ST6GALNAC3: variants seen among roughly 807,000 people sequenced by gnomAD.
ST6GALNAC3 encodes the protein alpha-N-acetylgalactosaminide alpha-2,6-sialyltransferase 3.
Under a neutral mutation model 32.7 loss-of-function variants are expected in ST6GALNAC3, and 25 were observed. The observed-to-expected ratio is 0.76, with a 90% confidence interval of 0.56 to 1.07. The LOEUF (loss-of-function observed/expected upper bound fraction) is 1.07. ST6GALNAC3 is among the 50% of genes least tolerant of loss of function. The probability of loss-of-function intolerance (pLI) is 0.00; values close to 1 mark genes in which losing one functional copy is unlikely to be tolerated. For missense variants in ST6GALNAC3, 355 were observed against 382.4 expected, an observed-to-expected ratio of 0.93 and a Z score of 0.60; for synonymous variants, 129 against 133.1, an observed-to-expected ratio of 0.97 and a Z score of 0.21.
intron 2 of ST6GALNAC3, among the ~76,000 whole-genome samples, chr1:76,329,745 A>G (rs1647151192): frequency 6.6e-6 from 1 of 152,094 alleles, no homozygotes; most frequent in Non-Finnish European, 1.5e-5. Context: ...TCATGTAACA[A>G]ATAATCTTGT....
chr1:76,447,159 A>G (rs1033758188), intron 3 of ST6GALNAC3, among the ~76,000 whole-genome samples: 4 of 152,172 alleles, frequency 2.6e-5, no homozygotes, highest in Admixed American at 2.0e-4. Flanking sequence ...AGTGGTCTCA[A>G]ATGGAGATGA....
At chr1:76,444,905 T>A (rs1364457020) in intron 3 of ST6GALNAC3, among the ~76,000 whole-genome samples, 31 of 152,148 alleles carry the variant, frequency 2.0e-4, no homozygotes, top group Non-Finnish European at 1.5e-5. Context: ...CAATCTACAT[T>A]TCATATGCAA....
At chr1:76,166,246 A>G (rs1557666840) in intron 1 of ST6GALNAC3, among the ~76,000 whole-genome samples, 1 of 152,172 alleles carries the variant, frequency 6.6e-6, no homozygotes, top group Non-Finnish European at 1.5e-5. Flanking sequence ...TCCCAGAACA[A>G]CTTACTGAAT....
chr1:76,182,511 G>A (rs1314881400), intron 1 of ST6GALNAC3, among the ~76,000 whole-genome samples: 4 of 152,104 alleles, frequency 2.6e-5, no homozygotes, highest in Non-Finnish European at 5.9e-5. Flanking sequence ...TCTGCTTTCA[G>A]TTTACACTAT....
intron 3 of ST6GALNAC3, among the ~76,000 whole-genome samples, chr1:76,488,319 G>A (rs543406843): frequency 3.2e-4 from 43 of 133,844 alleles, no homozygotes; most frequent in Admixed American, 1.2e-3. Flanking sequence ...GTGATGTGCC[G>A]GCTACCCCTT....
At chr1:76,424,297 C>A (rs1476472962) in intron 3 of ST6GALNAC3, among the ~76,000 whole-genome samples, 2 of 151,838 alleles carry the variant, frequency 1.3e-5, no homozygotes, top group Admixed American at 6.6e-5. Context: ...AAGACCCTTC[C>A]AAAAGTGAAC....
At chr1:76,415,008 T>C (rs1654517611) in intron 3 of ST6GALNAC3, among the ~76,000 whole-genome samples, 1 of 151,890 alleles carries the variant, frequency 6.6e-6, no homozygotes, top group Non-Finnish European at 1.5e-5. Flanking sequence ...AACTTCCCTG[T>C]CTCTCCTTCT....
chr1:76,580,564 T>G (rs551351747), intron 3 of ST6GALNAC3, among the ~76,000 whole-genome samples: 1 of 152,284 alleles, frequency 6.6e-6, no homozygotes, highest in South Asian at 2.1e-4. Flanking sequence ...CTTCACCTGG[T>G]GTTTGGAATT....
At chr1:76,188,605 A>G (rs1039046478) in intron 1 of ST6GALNAC3, among the ~76,000 whole-genome samples, 4 of 152,290 alleles carry the variant, frequency 2.6e-5, no homozygotes, top group Admixed American at 2.0e-4. Context: ...TATACAGTGG[A>G]AAATTTGTGT....
At chr1:76,593,732 G>C (rs1287618575) in intron 3 of ST6GALNAC3, among the ~76,000 whole-genome samples, 2 of 152,060 alleles carry the variant, frequency 1.3e-5, no homozygotes, top group Non-Finnish European at 2.9e-5. Context: ...TACTCCTTGT[G>C]ATACTTGTTG....
At chr1:76,313,635 G>A (rs756212490) in intron 1 of ST6GALNAC3, 170 bp from the exon 2 acceptor site, 2 of 795,836 alleles carry the variant, frequency 2.5e-6, no homozygotes, top group South Asian at 2.9e-5. Flanking sequence ...AGCACACTAG[G>A]ACAATTTGGT....
intron 1 of ST6GALNAC3, among the ~76,000 whole-genome samples, chr1:76,156,400 T>C (rs934986796): frequency 1.3e-5 from 2 of 152,202 alleles, no homozygotes; most frequent in African/African-American, 4.8e-5. Context: ...TATAAACATT[T>C]TTGAAATTTC....
At chr1:76,380,864 A>G (rs561484958) in intron 2 of ST6GALNAC3, among the ~76,000 whole-genome samples, 26 of 152,228 alleles carry the variant, frequency 1.7e-4, no homozygotes, top group Admixed American at 3.3e-4. Context: ...AATGAGACCT[A>G]AATAGAATAA....
intron 3 of ST6GALNAC3, among the ~76,000 whole-genome samples, chr1:76,417,238 T>A (rs982469620): frequency 1.3e-5 from 2 of 150,822 alleles, no homozygotes; most frequent in Non-Finnish European, 2.9e-5. Context: ...TTTTTTTTTT[T>A]AATTCTAGGT....
chr1:76,138,979 G>A (rs1650126420), intron 1 of ST6GALNAC3, among the ~76,000 whole-genome samples: 1 of 152,138 alleles, frequency 6.6e-6, no homozygotes, highest in South Asian at 2.1e-4. Flanking sequence ...CGGATTACGA[G>A]GTCAGGAGAT....
chr1:76,541,594 C>T (rs1663995426), intron 3 of ST6GALNAC3, among the ~76,000 whole-genome samples: 2 of 152,230 alleles, frequency 1.3e-5, no homozygotes, highest in African/African-American at 4.8e-5. Flanking sequence ...TTGTGACAGA[C>T]ACTGTGGCTT....
At chr1:76,231,307 A>T (rs914242850) in intron 1 of ST6GALNAC3, among the ~76,000 whole-genome samples, 3 of 152,274 alleles carry the variant, frequency 2.0e-5, no homozygotes, top group African/African-American at 2.4e-5. Context: ...TTTGTTTTTT[A>T]AAATTTTTTT....
intron 2 of ST6GALNAC3, among the ~76,000 whole-genome samples, chr1:76,392,175 G>A (rs1252566760): frequency 6.6e-6 from 1 of 152,112 alleles, no homozygotes; most frequent in African/African-American, 2.4e-5. Context: ...TGTTCCCTAG[G>A]GGACAAAATT....
chr1:76,265,443 T>C (rs1372437910), intron 1 of ST6GALNAC3, among the ~76,000 whole-genome samples: 1 of 152,182 alleles, frequency 6.6e-6, no homozygotes, highest in Non-Finnish European at 1.5e-5. Flanking sequence ...CATTTGCTTG[T>C]TCATGTTGCT....
Sources: gnomAD v4.1 joint callset for allele counts (sites outside exome capture counted in the v4.1 genomes callset) on GRCh38, gnomAD v4.1.1 for gene constraint, MANE v1.5 for transcripts, NCBI Gene and HGNC (gene_info 2026-07-23, HGNC 2026-07-21) for gene names.